CHODL: variants seen among roughly 807,000 people sequenced by gnomAD.
CHODL encodes transmembrane protein MT75.
In CHODL, 29 loss-of-function variants were observed where a neutral mutation model predicts 34.5. The observed-to-expected ratio is 0.84, with a 90% CI of 0.63 to 1.15. CHODL has a LOEUF of 1.15. Among genes scored for constraint, CHODL ranks in the 50% most tolerant of loss-of-function variants. CHODL has a pLI of 0.00. For missense variants in CHODL, 332 were observed against 332.5 expected, an observed-to-expected ratio of 1.00 and a Z score of 0.01; for synonymous variants, 125 against 116.1, an observed-to-expected ratio of 1.08 and a Z score of -0.49.
chr21:17,998,077 C>T lies in CHODL; in HGVS notation c.-144-29795C>T, dbSNP rs377036414. Among the ~76,000 whole-genome samples, 6 of 152,302 alleles carry T rather than the reference C, an allele frequency of 3.9e-5. 1 individual carries two copies. The highest frequency in any genetic ancestry group is 1.3e-4 in the Admixed American group (2 of 15,294). ...CAAATGAAAAGCAAGCTAGTTACTT[C>T]CTAGATACAATGGGAGTACAGGTAT... On this transcript the variant is annotated intron_variant, in intron 1 of 6. Coordinates refer to the CHODL transcript ENST00000400127.
chr21:18,178,894 C>T (rs2073348013), intron 2 of CHODL, among the ~76,000 whole-genome samples: 1 of 152,088 alleles, frequency 6.6e-6, no homozygotes, highest in Non-Finnish European at 1.5e-5. Context: ...GTTTTTGTTA[C>T]TGTTGAGTTT....
chr21:18,055,254 A>C (rs559490220), intron 2 of CHODL, among the ~76,000 whole-genome samples: 132 of 152,138 alleles, frequency 8.7e-4, no homozygotes, highest in African/African-American at 3.0e-3. Flanking sequence ...AGAATGAAGA[A>C]TTATGACAAA....
rs898682882 is a variant in CHODL at position 18,145,234 on chromosome 21, A to C, written c.-44-111275A>C. Among the ~76,000 whole-genome samples, 133 of 116,494 alleles carry C rather than the reference A, an allele frequency of 1.1e-3. 1 individual carries two copies. Among genetic ancestry groups the C allele is most frequent in the Non-Finnish European group, 2.1e-3 (116 of 54,810 alleles). 76.4% of individuals were successfully genotyped at this position (116,494 alleles called of 152,430 possible). On this transcript the variant is annotated intron_variant, in intron 2 of 6. Coordinates refer to the CHODL transcript ENST00000400127. The stretch of plus-strand genomic sequence containing the variant: ...GGCGGATCATGAGGTCAGGAGATCG[A>C]GACCATCCTGGCTAACAAGGTGAAA...
intron 2 of CHODL, among the ~76,000 whole-genome samples, chr21:18,117,283 G>A (rs1007239055): frequency 1.3e-5 from 2 of 152,202 alleles, no homozygotes; most frequent in African/African-American, 4.8e-5. Flanking sequence ...CCCCAGGCCT[G>A]TTGTGTTAGA....
chr21:18,033,827 T>C (rs1472479616), intron 2 of CHODL, among the ~76,000 whole-genome samples: 2 of 151,976 alleles, frequency 1.3e-5, no homozygotes, highest in East Asian at 3.9e-4. Context: ...ATCAAGACGC[T>C]CACACACAAT....
At chr21:17,958,622 A>G (rs938963944) in intron 1 of CHODL, among the ~76,000 whole-genome samples, 4 of 152,210 alleles carry the variant, frequency 2.6e-5, no homozygotes, top group African/African-American at 9.6e-5. Context: ...AGCCAGAGGG[A>G]TACAAAGAAG....
chr21:18,109,843 A>G (rs1253599057), intron 2 of CHODL, among the ~76,000 whole-genome samples: 1 of 152,194 alleles, frequency 6.6e-6, no homozygotes, highest in Non-Finnish European at 1.5e-5. Context: ...AAAGAGCTCA[A>G]AATCTAAGCA....
intron 1 of CHODL, among the ~76,000 whole-genome samples, chr21:17,963,074 AATAAT>A (rs775829558): frequency 7.1e-4 from 55 of 77,836 alleles, no homozygotes; most frequent in African/African-American, 2.4e-3. Flanking sequence ...AAAAAAAAAA[AATAAT>A]AATAATAATA....
intron 1 of CHODL, among the ~76,000 whole-genome samples, chr21:18,003,029 A>G (rs949660580): frequency 6.6e-6 from 1 of 151,604 alleles, no homozygotes; most frequent in Non-Finnish European, 1.5e-5. Context: ...AGGCTGAGGC[A>G]GGAGAATGGC....
chr21:17,966,675 A>G (rs554082581), intron 1 of CHODL, among the ~76,000 whole-genome samples: 18 of 152,224 alleles, frequency 1.2e-4, no homozygotes, highest in Non-Finnish European at 2.4e-4. Flanking sequence ...TTTTCCCATC[A>G]AATTTTGTAG....
In CHODL at chr21:17,964,403, C is replaced by T. The variant is rs986351328; in HGVS notation, c.-145+47003C>T. Among the ~76,000 whole-genome samples, 12 of 152,274 alleles carry T rather than the reference C, an allele frequency of 7.9e-5. No homozygotes were observed. In the South Asian group the frequency reaches 2.3e-3, roughly 29 times the overall value. ...CGTGCTGAACATGAAAATGCCAAAA[C>T]GAAGGAGAATTCATTTATTTAAGTT... is the stretch of plus-strand genomic sequence containing the variant. On this transcript the variant is annotated intron_variant, in intron 1 of 6. Transcript: ENST00000400127.
rs372631230 is a variant in CHODL at position 18,232,588 on chromosome 21, T to C, written c.-44-23921T>C. ...TCTTAGGTACCCACAATATTGTGGA[T>C]TTGGTTTCAACATGTAAGTTTTGTG... On this transcript the variant is annotated intron_variant, in intron 2 of 6. Transcript: ENST00000400127. Among the ~76,000 whole-genome samples, 21 of 152,140 alleles carry C rather than the reference T, an allele frequency of 1.4e-4. No individual in the cohort carries two copies. The East Asian group carries it at 2.5e-3, about 18-fold the overall frequency.
At chr21:18,251,560 T>TATTTTAATATATAAAA (rs2074247802) in intron 1 of CHODL, among the ~76,000 whole-genome samples, 2 of 18,374 alleles carry the variant, frequency 1.1e-4, no homozygotes, top group African/African-American at 7.0e-4. Flanking sequence ...AATATTTATT[T>TATTTTAATATATAAAA]TATTTATTTA....
intron 1 of CHODL, among the ~76,000 whole-genome samples, chr21:17,997,474 C>A (rs1465019737): frequency 6.6e-6 from 1 of 152,128 alleles, no homozygotes; most frequent in East Asian, 1.9e-4. Context: ...GAAAATGACT[C>A]TTTTGTTGTA....
chr21:18,011,818 G>C (rs192033728), intron 1 of CHODL, among the ~76,000 whole-genome samples: 1 of 152,292 alleles, frequency 6.6e-6, no homozygotes. Context: ...AAGCAGATTT[G>C]CCAAGAGAGA....
rs952611138 is a variant in CHODL at position 17,974,828 on chromosome 21, T to C, written c.-144-53044T>C. Among the ~76,000 whole-genome samples, 7 of 151,210 alleles carry C rather than the reference T, an allele frequency of 4.6e-5. No homozygotes were observed. In the South Asian group the frequency reaches 1.0e-3, roughly 22 times the overall value. ...AGGCTCATTAATGAATCAATAAATA[T>C]GGAAAATGAACTATGTCAGGAGAAT... On this transcript the variant is annotated intron_variant, in intron 1 of 6. Coordinates refer to the CHODL transcript ENST00000400127.
chr21:17,956,792 C>A (rs1600830960), intron 1 of CHODL, among the ~76,000 whole-genome samples: 1 of 120,468 alleles, frequency 8.3e-6, no homozygotes, highest in African/African-American at 2.7e-5. Flanking sequence ...CTTAACCCCT[C>A]AAAGGAAAGA....
chr21:18,061,026 G>A (rs565868311), intron 2 of CHODL, among the ~76,000 whole-genome samples: 1 of 152,242 alleles, frequency 6.6e-6, no homozygotes, highest in African/African-American at 2.4e-5. Context: ...AAAGAAGTGA[G>A]GCCGAAGTTC....
At chr21:18,005,296 C>T (rs2063949661) in intron 1 of CHODL, among the ~76,000 whole-genome samples, 1 of 152,156 alleles carries the variant, frequency 6.6e-6, no homozygotes, top group African/African-American at 2.4e-5. Context: ...AAGGCTGTTA[C>T]AACTATTAAA....
Sources: allele counts gnomAD v4.1 joint callset (sites outside exome capture counted in the v4.1 genomes callset), GRCh38; gene constraint gnomAD v4.1.1; transcripts MANE v1.5; gene names NCBI Gene and HGNC (gene_info 2026-07-23, HGNC 2026-07-21).